FGF12: variants seen among roughly 807,000 people sequenced by gnomAD.
The protein encoded by FGF12 is fibroblast growth factor 12, also known as fibroblast growth factor 12B.
In FGF12, 14 loss-of-function variants were observed where a neutral mutation model predicts 23.6. That is an observed-to-expected ratio of 0.59 (90% CI 0.39 to 0.93). The LOEUF (loss-of-function observed/expected upper bound fraction) is 0.93, where lower values mean the gene tolerates loss of function less well. Among genes scored for constraint, FGF12 ranks in the 40% least tolerant of loss-of-function variants. The pLI is 0.00. For missense variants in FGF12, 175 were observed against 217.8 expected (o/e 0.80, Z 1.24); for synonymous variants, 62 against 77.3 (o/e 0.80, Z 1.04).
At chr3:192,339,462 T>C (rs1380884877) in intron 3 of FGF12, among the ~76,000 whole-genome samples, 2 of 152,186 alleles carry the variant, frequency 1.3e-5, no homozygotes, top group Non-Finnish European at 2.9e-5. Flanking sequence ...CTTTACAACC[T>C]GGCTCCAACC....
intron 2 of FGF12, among the ~76,000 whole-genome samples, chr3:192,586,484 T>C (rs1180801716): frequency 2.0e-5 from 3 of 152,150 alleles, no homozygotes; most frequent in African/African-American, 7.2e-5. Context: ...ACCTGACAAA[T>C]AGTAAATGTA....
intron 4 of FGF12, among the ~76,000 whole-genome samples, chr3:192,213,292 G>A (rs1284727101): frequency 1.3e-5 from 2 of 151,560 alleles, no homozygotes; most frequent in African/African-American, 2.4e-5. Context: ...CTTTTTTTTG[G>A]AAGCTGCTTT....
intron 2 of FGF12, among the ~76,000 whole-genome samples, chr3:192,425,383 G>C (rs1721661110): frequency 6.6e-6 from 1 of 152,130 alleles, no homozygotes; most frequent in Admixed American, 6.5e-5. Flanking sequence ...CCCACTTAAG[G>C]AAAAGTGGGA....
intron 2 of FGF12, among the ~76,000 whole-genome samples, chr3:192,602,233 C>T (rs572823685): frequency 2.6e-5 from 4 of 152,062 alleles, no homozygotes; most frequent in Non-Finnish European, 5.9e-5. Context: ...ACTTTCTGCT[C>T]AATTTTCCTG....
At chr3:192,585,115 G>A (rs550285465) in intron 2 of FGF12, among the ~76,000 whole-genome samples, 1 of 152,128 alleles carries the variant, frequency 6.6e-6, no homozygotes, top group African/African-American at 2.4e-5. Flanking sequence ...AAGTAATGTG[G>A]CAATAGCATA....
At chr3:192,412,240 G>A (rs1387813527) in intron 2 of FGF12, among the ~76,000 whole-genome samples, 2 of 152,198 alleles carry the variant, frequency 1.3e-5, no homozygotes, top group African/African-American at 4.8e-5. Flanking sequence ...AAGAGGATGT[G>A]TATTCTTTAG....
chr3:192,579,483 A>C (rs1182434608), intron 2 of FGF12, among the ~76,000 whole-genome samples: 7 of 152,200 alleles, frequency 4.6e-5, no homozygotes, highest in Admixed American at 2.6e-4. Context: ...TCTCCATGAA[A>C]ATATCCCCTG....
intron 3 of FGF12, among the ~76,000 whole-genome samples, chr3:192,346,888 G>A (rs947763391): frequency 9.9e-5 from 15 of 152,068 alleles, no homozygotes; most frequent in Non-Finnish European, 1.8e-4. Flanking sequence ...TAAAAACAGC[G>A]ATGATTTGCA....
rs552422741 is a variant in FGF12 at position 192,439,829 on chromosome 3, TA to T, written c.14-79292del. On this transcript the variant is annotated intron_variant, in intron 2 of 5. Coordinates refer to ENST00000445105, the MANE Select transcript of FGF12 (RefSeq NM_004113.6). ...GTCTCTACTAAAAATACAAAAAATT[TA>T]GCCGGGTGTGGTGGTGGGCGCCTGT... is the stretch of plus-strand genomic sequence containing the variant. 4.0e-5 allele frequency among the ~76,000 whole-genome samples: 6 copies of T among 151,870 alleles called. No homozygotes were observed. In the East Asian group the frequency reaches 1.2e-3, roughly 29 times the overall value.
At position 192,335,445 on chromosome 3, in the gene FGF12, G is replaced by A. The variant is rs201446852; in HGVS notation, c.144C>T (p.Pro48=). 18 of 1,612,524 alleles carry A rather than the reference G, an allele frequency of 1.1e-5. No individual in the cohort carries two copies. Among genetic ancestry groups the A allele is most frequent in the Admixed American group, 3.3e-5 (2 of 59,868 alleles). ...GGATGGCCACTACACGCAGGCCCAC[G>A]GGAATTAGATTGAAGAGAGCTGGGG... The part of the protein sequence containing the change: ...NSDYTLFNLI[P]VGLRVVAIQG... Residue 48 remains proline, a synonymous_variant, in exon 4 of 6, where the codon CCC becomes CCT. Transcript: ENST00000445105.
At chr3:192,466,703 A>T (rs1193272096) in intron 2 of FGF12, among the ~76,000 whole-genome samples, 1 of 152,190 alleles carries the variant, frequency 6.6e-6, no homozygotes, top group Non-Finnish European at 1.5e-5. Flanking sequence ...GAAGCTATTC[A>T]CTAGCATAGA....
intron 5 of FGF12, among the ~76,000 whole-genome samples, chr3:192,164,423 C>T (rs185651832): frequency 1.2e-3 from 176 of 152,246 alleles, no homozygotes; most frequent in African/African-American, 4.2e-3. Flanking sequence ...CTCCTGTTCT[C>T]TAAACACAGG....
intron 4 of FGF12, among the ~76,000 whole-genome samples, chr3:192,249,453 T>C (rs1711855164): frequency 6.6e-6 from 1 of 152,126 alleles, no homozygotes; most frequent in South Asian, 2.1e-4. Flanking sequence ...TACAGTAAAA[T>C]AATTTTTCCA....
chr3:192,377,102 T>C (rs1719551845), intron 2 of FGF12, among the ~76,000 whole-genome samples: 1 of 152,234 alleles, frequency 6.6e-6, no homozygotes, highest in African/African-American at 2.4e-5. Flanking sequence ...TAATTCCTCA[T>C]AGACAACACT....
intron 4 of FGF12, among the ~76,000 whole-genome samples, chr3:192,315,305 T>C (rs557831163): frequency 1.3e-5 from 2 of 152,204 alleles, no homozygotes; most frequent in Non-Finnish European, 2.9e-5. Context: ...CAGTGCTATA[T>C]GTTCAAAGAG....
chr3:192,477,191 T>G (rs1248581357), intron 2 of FGF12, among the ~76,000 whole-genome samples: 1 of 152,064 alleles, frequency 6.6e-6, no homozygotes, highest in Non-Finnish European at 1.5e-5. Flanking sequence ...CAGCCAGAGG[T>G]CACTTCACAG....
rs114960884 is a variant in FGF12 at position 192,190,215 on chromosome 3, T to A, written c.229-19559A>T. On this transcript the variant is annotated intron_variant, in intron 4 of 5. Transcript: ENST00000445105. ...TTTATAGTTATTATATAACAATACA[T>A]CTTCCCATAACAAGCATACAAACAA... Among the ~76,000 whole-genome samples, 1,417 of 152,256 alleles carry A rather than the reference T, an allele frequency of 9.3e-3. 25 individuals are homozygous for A. Among genetic ancestry groups the A allele is most frequent in the African/African-American group, 0.032 (1,348 of 41,562 alleles).
At chr3:192,602,783 A>C (rs1290699731) in intron 2 of FGF12, among the ~76,000 whole-genome samples, 1 of 151,928 alleles carries the variant, frequency 6.6e-6, no homozygotes, top group East Asian at 1.9e-4. Flanking sequence ...AAATGCAAAA[A>C]TCCTCATCAA....
At chr3:192,578,653 T>C (rs1355377910) in intron 2 of FGF12, among the ~76,000 whole-genome samples, 1 of 152,192 alleles carries the variant, frequency 6.6e-6, no homozygotes, top group East Asian at 1.9e-4. Context: ...CTATGATGTG[T>C]CTGATCTTTA....
Sources: allele counts gnomAD v4.1 joint callset (sites outside exome capture counted in the v4.1 genomes callset), GRCh38; gene constraint gnomAD v4.1.1; transcripts MANE v1.5; gene names NCBI Gene and HGNC (gene_info 2026-07-23, HGNC 2026-07-21).